HSP90AA1: variants seen among roughly 807,000 people sequenced by gnomAD.
HSP90AA1 encodes heat shock protein HSP 90-alpha.
HSP90AA1 carries 18 observed loss-of-function variants against 73.3 expected under a neutral mutation model. The observed-to-expected ratio is 0.25, with a 90% CI of 0.17 to 0.36. HSP90AA1 has a LOEUF of 0.36. Ranked by LOEUF, HSP90AA1 falls within the 10% of genes least tolerant of loss-of-function variation. The pLI, the probability that HSP90AA1 is intolerant of heterozygous loss-of-function variation, is 1.00. For synonymous variants in HSP90AA1, 477 were observed against 296.9 expected (o/e 1.61, Z -6.24); for missense variants, 704 against 874.2 (o/e 0.81, Z 2.45).
At chr14:102,129,044 A>G (rs984317498) in intron 1 of HSP90AA1, among the ~76,000 whole-genome samples, 14 of 152,190 alleles carry the variant, frequency 9.2e-5, no homozygotes, top group African/African-American at 2.7e-4. Context: ...GGTACAGTTC[A>G]AACAACCTAA....
upstream of HSP90AA1, chr14:102,087,195 G>GC (rs1044574438): frequency 1.1e-4 from 104 of 980,112 alleles, 1 homozygote; most frequent in Middle Eastern, 5.3e-4. Context: ...GCGGCACCCC[G>GC]CCCCCGCGCC....
Position 102,083,706 on chromosome 14 carries a change from A to G in HSP90AA1, c.1339-13T>C. 1 of 1,526,574 alleles carries G rather than the reference A, an allele frequency of 6.6e-7. No individual in the cohort carries two copies. The highest frequency in any genetic ancestry group is 9.1e-7 in the Non-Finnish European group (1 of 1,101,874). The allele number at this position is 1,526,574 out of a possible 1,614,324, so 94.6% of individuals were successfully genotyped here. ...CGTGTATTCCAAGCTGAAACAAAGTATGTTCTTTACAAAGACTTTCTGAAT... is the reference window on the plus strand; with the variant it reads ...CGTGTATTCCAAGCTGAAACAAAGTGTGTTCTTTACAAAGACTTTCTGAAT... On this transcript the variant is annotated splice_polypyrimidine_tract_variant and intron_variant, in intron 7 of 10. Transcript: ENST00000216281.
At chr14:102,139,561 G>T in exon 1 of HSP90AA1, 1 of 795,846 alleles carries the variant, frequency 1.3e-6, no homozygotes, top group Non-Finnish European at 1.9e-6. Context: ...CATGACACCA[G>T]CCCCGCCGCG....
At chr14:102,090,184 C>T (rs1181746832), upstream of HSP90AA1, among the ~76,000 whole-genome samples, 2 of 152,188 alleles carry the variant, frequency 1.3e-5, no homozygotes, top group African/African-American at 4.8e-5. Flanking sequence ...ATGCTGTTCC[C>T]TCTGCCTGGA....
chr14:102,115,092 A>G (rs2049689484), intron 1 of HSP90AA1, among the ~76,000 whole-genome samples: 1 of 151,592 alleles, frequency 6.6e-6, no homozygotes, highest in Admixed American at 6.6e-5. Flanking sequence ...GCTTGCAGTG[A>G]GCCGAGATGG....
chr14:102,087,047 C>T, upstream of HSP90AA1: 2 of 985,462 alleles, frequency 2.0e-6, no homozygotes, highest in Admixed American at 6.1e-5. Flanking sequence ...AAGCAACTGA[C>T]GCGCCACCCC....
exon 2 of HSP90AA1, chr14:102,102,048 C>T (rs780440751): frequency 6.2e-7 from 1 of 1,614,096 alleles, no homozygotes; most frequent in South Asian, 1.1e-5. Context: ...CAGAGAAACA[C>T]TTGGGCCTTT....
At chr14:102,138,740 C>A (rs952086168) in intron 1 of HSP90AA1, among the ~76,000 whole-genome samples, 6 of 152,130 alleles carry the variant, frequency 3.9e-5, no homozygotes, top group Admixed American at 2.0e-4. Flanking sequence ...TGGCTTCCCC[C>A]CTCCCTGGAA....
At chr14:102,115,355 CCT>C (rs2049693471) in intron 1 of HSP90AA1, among the ~76,000 whole-genome samples, 1 of 151,670 alleles carries the variant, frequency 6.6e-6, no homozygotes, top group African/African-American at 2.4e-5. Context: ...AAAAAATAAA[CCT>C]TAGACTTCTG....
chr14:102,123,625 C>T (rs2049806293), intron 1 of HSP90AA1, among the ~76,000 whole-genome samples: 1 of 151,872 alleles, frequency 6.6e-6, no homozygotes, highest in Non-Finnish European at 1.5e-5. Flanking sequence ...ATCCTCCCGC[C>T]TTGGTCTCCT....
intron 1 of HSP90AA1, 128 bp from the exon 2 acceptor site, chr14:102,086,506 T>C (rs1446529994): frequency 4.8e-6 from 5 of 1,048,074 alleles, no homozygotes; most frequent in Admixed American, 3.6e-5. Flanking sequence ...AAACCGAAAA[T>C]AGAAGGGCGG....
chr14:102,129,133 ATTTTTTT>A (rs71116884), intron 1 of HSP90AA1, among the ~76,000 whole-genome samples: 1 of 94,396 alleles, frequency 1.1e-5, no homozygotes, highest in African/African-American at 3.7e-5. Context: ...TCTAGTTTTG[ATTTTTTT>A]TTTTTTTTTT....
intron 4 of HSP90AA1, 104 bp from the exon 5 acceptor site, chr14:102,085,102 T>C (rs1355235021): frequency 1.3e-5 from 21 of 1,578,242 alleles, no homozygotes; most frequent in Non-Finnish European, 1.5e-5. Context: ...ATTAGCCAAC[T>C]TGAGAAGCAC....
chr14:102,134,201 G>C (rs897538716), intron 1 of HSP90AA1, among the ~76,000 whole-genome samples: 2 of 151,084 alleles, frequency 1.3e-5, no homozygotes, highest in Admixed American at 6.6e-5. Context: ...AGCTGGGCAC[G>C]GTGGCACATG....
chr14:102,088,949 C>A (rs1189821630), upstream of HSP90AA1, among the ~76,000 whole-genome samples: 1 of 151,634 alleles, frequency 6.6e-6, no homozygotes, highest in Non-Finnish European at 1.5e-5. Flanking sequence ...CTTGGTCCCC[C>A]AGGCTCGAGG....
intron 1 of HSP90AA1, among the ~76,000 whole-genome samples, chr14:102,137,310 T>C (rs1325173050): frequency 1.3e-5 from 2 of 151,394 alleles, no homozygotes; most frequent in Non-Finnish European, 2.9e-5. Context: ...GTCAGGCCCA[T>C]TTATTTATTT....
At chr14:102,083,477 A>G in intron 8 of HSP90AA1, 69 bp downstream of exon 8, 1 of 1,514,202 alleles carries the variant, frequency 6.6e-7, no homozygotes, top group South Asian at 1.1e-5. Flanking sequence ...ACCTGAGTAG[A>G]AAACACACCC....
chr14:102,099,123 C>T (rs369931718), intron 2 of HSP90AA1, among the ~76,000 whole-genome samples: 23 of 152,314 alleles, frequency 1.5e-4, no homozygotes, highest in African/African-American at 4.3e-4. Flanking sequence ...GTTCATACTT[C>T]GAGTGGCTAA....
At chr14:102,086,750 G>C (rs1171453758) in intron 1 of HSP90AA1, among the ~76,000 whole-genome samples, 1 of 151,398 alleles carries the variant, frequency 6.6e-6, no homozygotes, top group African/African-American at 2.4e-5. Flanking sequence ...TGCGGCGCCA[G>C]CTCTGGCGCT....
Sources: gnomAD v4.1 joint callset for allele counts (sites outside exome capture counted in the v4.1 genomes callset) on GRCh38, gnomAD v4.1.1 for gene constraint, MANE v1.5 for transcripts, NCBI Gene and HGNC (gene_info 2026-07-23, HGNC 2026-07-21) for gene names.